KANSL1L: variants seen among roughly 807,000 people sequenced by gnomAD.
KANSL1L encodes KAT8 regulatory NSL complex subunit 1 like, also known as KAT8 regulatory NSL complex subunit 1-like protein.
KANSL1L carries 25 observed loss-of-function variants against 108.6 expected under a neutral mutation model. The observed-to-expected ratio is 0.23, with a 90% CI of 0.17 to 0.32. The LOEUF is 0.32. Among genes scored for constraint, KANSL1L ranks in the 10% least tolerant of loss-of-function variants. The pLI, the probability that KANSL1L is intolerant of heterozygous loss-of-function variation, is 1.00. For missense variants in KANSL1L, 1,137 were observed against 1,125.7 expected, an observed-to-expected ratio of 1.01 and a Z score of -0.14; for synonymous variants, 405 against 395.1, an observed-to-expected ratio of 1.03 and a Z score of -0.30.
Position 210,044,071 on chromosome 2 carries a change from T to C in KANSL1L, c.1789A>G (p.Thr597Ala), listed in dbSNP as rs1393974407. The C allele has an allele frequency of 1.9e-6, 3 of 1,594,096 alleles. No individual in the cohort carries two copies. The highest frequency in any genetic ancestry group is 2.3e-5 in the East Asian group (1 of 43,612). ...LPSKETAFLN[T>A]TQMPCLQSAS... ...GATTGCAGGCAAGGCATTTGTGTAG[T>C]GTTTAAAAATGCTGTTTCTTTTGAA... Residue 597 changes from threonine to alanine, a missense_variant, in exon 7 of 15, where the codon ACT becomes GCT. Physicochemically the swap from Thr to Ala is moderately conservative, Grantham distance 58. Around this residue, in one of 3 missense-constraint regions of KANSL1L, gnomAD observed 575 missense variants for 567.1 expected, o/e 1.01. Transcript: ENST00000281772. The surrounding 1 kb of genome is among the most constrained non-coding windows in gnomAD (Gnocchi z 4.2).
intron 6 of KANSL1L, among the ~76,000 whole-genome samples, chr2:210,074,700 T>C (rs2125323766): frequency 6.6e-6 from 1 of 152,352 alleles, no homozygotes; most frequent in South Asian, 2.1e-4. Context: ...TCCACATTCC[T>C]ATTTATAACT....
At chr2:210,110,456 T>C (rs1575549783) in intron 3 of KANSL1L, among the ~76,000 whole-genome samples, 1 of 152,330 alleles carries the variant, frequency 6.6e-6, no homozygotes, top group Non-Finnish European at 1.5e-5. Context: ...TCATTTATGT[T>C]TTTAAACAGG....
chr2:210,166,596 T>C (rs1298752837), intron 1 of KANSL1L, among the ~76,000 whole-genome samples: 2 of 152,110 alleles, frequency 1.3e-5, no homozygotes, highest in Admixed American at 1.3e-4. Flanking sequence ...ATATATTCCA[T>C]ATATGCCATG....
chr2:210,061,954 T>C (rs1247659973), intron 6 of KANSL1L, among the ~76,000 whole-genome samples: 4 of 152,248 alleles, frequency 2.6e-5, no homozygotes, highest in Admixed American at 6.5e-5. Context: ...TATATTCATT[T>C]AAATAGTGCT....
intron 3 of KANSL1L, among the ~76,000 whole-genome samples, chr2:210,120,127 C>T (rs1002852281): frequency 1.3e-5 from 2 of 152,102 alleles, no homozygotes; most frequent in African/African-American, 2.4e-5. Context: ...CGGTGGCTCA[C>T]ACCTGTAATC....
At chr2:210,048,582 T>A (rs535910247) in intron 6 of KANSL1L, among the ~76,000 whole-genome samples, 1 of 152,128 alleles carries the variant, frequency 6.6e-6, no homozygotes, top group Non-Finnish European at 1.5e-5. Context: ...TATATATATA[T>A]ACACACACAC....
intron 4 of KANSL1L, among the ~76,000 whole-genome samples, chr2:210,102,845 A>G (rs2094807839): frequency 6.6e-6 from 1 of 152,218 alleles, no homozygotes; most frequent in Non-Finnish European, 1.5e-5. Flanking sequence ...GTGGAGAAAT[A>G]GGAACACTTT....
At chr2:210,074,057 C>CT (rs1177257535) in intron 6 of KANSL1L, among the ~76,000 whole-genome samples, 1 of 151,726 alleles carries the variant, frequency 6.6e-6, no homozygotes, top group African/African-American at 2.4e-5. Context: ...AAACAGGGTG[C>CT]TATAACAATA....
At chr2:210,149,318 G>C (rs1266513675) in intron 2 of KANSL1L, among the ~76,000 whole-genome samples, 4 of 152,078 alleles carry the variant, frequency 2.6e-5, no homozygotes, top group Non-Finnish European at 4.4e-5. Flanking sequence ...CGATAAAAGA[G>C]TAGTACACTA....
chr2:210,115,781 C>T (rs1216984639), intron 3 of KANSL1L, among the ~76,000 whole-genome samples: 1 of 152,296 alleles, frequency 6.6e-6, no homozygotes, highest in South Asian at 2.1e-4. Flanking sequence ...TTCTACCAAT[C>T]ACCTGTTAAT....
chr2:210,120,908 A>G (rs1367820557), intron 3 of KANSL1L, among the ~76,000 whole-genome samples: 1 of 152,238 alleles, frequency 6.6e-6, no homozygotes, highest in African/African-American at 2.4e-5. Flanking sequence ...GCTCAACATC[A>G]TTGATCATTA....
At chr2:210,029,142 A>G (rs1040083357) in intron 10 of KANSL1L, 173 bp from the exon 11 acceptor site, 19 of 544,558 alleles carry the variant, frequency 3.5e-5, no homozygotes, top group Non-Finnish European at 5.4e-5. Context: ...ACATTTTTCT[A>G]TCTTTTGTAA....
At chr2:210,114,457 T>C (rs951414045) in intron 3 of KANSL1L, among the ~76,000 whole-genome samples, 1 of 152,054 alleles carries the variant, frequency 6.6e-6, no homozygotes, top group African/African-American at 2.4e-5. Flanking sequence ...CTGCAGAAAA[T>C]ACTTAAAGAA....
intron 6 of KANSL1L, among the ~76,000 whole-genome samples, chr2:210,052,147 G>A (rs935551632): frequency 1.3e-5 from 2 of 151,792 alleles, no homozygotes; most frequent in Admixed American, 6.6e-5. Flanking sequence ...GGGACTAGAG[G>A]TGGATACCAC....
chr2:210,125,301 G>A (rs888897956), intron 3 of KANSL1L, among the ~76,000 whole-genome samples: 1 of 152,012 alleles, frequency 6.6e-6, no homozygotes, highest in African/African-American at 2.4e-5. Context: ...TATATAACTA[G>A]TAAGGAAATT....
intron 3 of KANSL1L, among the ~76,000 whole-genome samples, chr2:210,121,276 C>G (rs552833090): frequency 6.6e-6 from 1 of 152,072 alleles, no homozygotes; most frequent in South Asian, 2.1e-4. Flanking sequence ...CTGCATAAAG[C>G]AAATGTGGTA....
chr2:210,162,787 T>A (rs1209562906), intron 1 of KANSL1L, among the ~76,000 whole-genome samples: 1 of 152,130 alleles, frequency 6.6e-6, no homozygotes, highest in African/African-American at 2.4e-5. Flanking sequence ...TTTAGAAGTG[T>A]ATAACATGGT....
intron 5 of KANSL1L, among the ~76,000 whole-genome samples, chr2:210,079,648 A>ATATATATATATATATGTGTG (rs2094570793): frequency 6.6e-5 from 1 of 15,198 alleles, no homozygotes; most frequent in Non-Finnish European, 1.2e-4. Flanking sequence ...ATATATATAT[A>ATATATATATATATATGTGTG]TATATATATA....
At chr2:210,090,873 C>T (rs1460256568) in intron 5 of KANSL1L, among the ~76,000 whole-genome samples, 7 of 152,166 alleles carry the variant, frequency 4.6e-5, no homozygotes. Flanking sequence ...TATCTATAAA[C>T]ATTCTGCAAC....
Sources: gnomAD v4.1 joint callset for allele counts (sites outside exome capture counted in the v4.1 genomes callset) on GRCh38, gnomAD v4.1.1 for gene constraint, gnomAD v4.1.1 regional missense constraint, Gnocchi (gnomAD v3.1) non-coding constraint, MANE v1.5 for transcripts, NCBI Gene and HGNC (gene_info 2026-07-23, HGNC 2026-07-21) for gene names.